Variants in MS4A2 observed in about 807,000 individuals in gnomAD.
MS4A2 encodes membrane spanning 4-domains A2.
In MS4A2, 26 loss-of-function variants were observed where a neutral mutation model predicts 27.9. The ratio of observed to expected loss-of-function variants is 0.93; its 90% CI spans 0.68 to 1.29. The LOEUF (loss-of-function observed/expected upper bound fraction) is 1.29. MS4A2 is among the 50% of genes most tolerant of loss of function. The pLI, the probability that MS4A2 is intolerant of heterozygous loss-of-function variation, is 0.00. For synonymous variants in MS4A2, 110 were observed against 98.8 expected (o/e 1.11, Z -0.67); for missense variants, 284 against 284.6 (o/e 1.00, Z 0.01).
chr11:60,095,664 G>T lies in MS4A2; in HGVS notation c.*8G>T, dbSNP rs186704310. 261 of 1,573,696 alleles carry T rather than the reference G, an allele frequency of 1.7e-4. No individual in the cohort carries two copies. The highest frequency in any genetic ancestry group is 5.2e-5 in the Non-Finnish European group (60 of 1,143,460). On this transcript the variant is annotated 3_prime_UTR_variant, in exon 7 of 7. Transcript: ENST00000278888. ...CCTCCCATTGATTTATAAGAATCAC[G>T]TGTCCAGAACACTCTGATTCACAGC...
In MS4A2 at chr11:60,095,594, T is replaced by C. The variant is rs993143703; in HGVS notation, c.673T>C (p.Tyr225His). The C allele has an allele frequency of 8.7e-6, 14 of 1,612,666 alleles. No homozygotes were observed. Among genetic ancestry groups the C allele is most frequent in the Admixed American group, 1.7e-5 (1 of 60,012 alleles). Residue 225 changes from tyrosine (Y) to histidine (H), a missense_variant, in exon 7 of 7, where the codon TAT becomes CAT. Transcript: ENST00000278888. ...TCGTGTTTATGAAGAATTAAACATA[T>C]ATTCAGCTACTTACAGTGAGTTGGA... ...EDRVYEELNI[Y>H]SATYSELEDP...
intron 5 of MS4A2, 162 bp from the exon 6 acceptor site, chr11:60,093,802 T>TTG (rs60162275): frequency 0.16 from 100,767 of 636,472 alleles, 2,159 homozygotes; most frequent in South Asian, 0.2. Flanking sequence ...GTGCCTGTGT[T>TTG]TGTGTGTGTG....
At chr11:60,093,305 A>G in intron 4 of MS4A2, 95 bp from the exon 5 acceptor site, 8 of 1,517,756 alleles carry the variant, frequency 5.3e-6, no homozygotes, top group Non-Finnish European at 7.2e-6. Context: ...GCAATGTGGA[A>G]TTTACTGGAT....
chr11:60,091,443 T>A (rs1291784966), intron 3 of MS4A2, among the ~76,000 whole-genome samples: 1 of 152,206 alleles, frequency 6.6e-6, no homozygotes, highest in African/African-American at 2.4e-5. Context: ...TAGACACACA[T>A]GAAAACATCA....
At chr11:60,093,282 C>A in intron 4 of MS4A2, 118 bp from the exon 5 acceptor site, 1 of 1,352,014 alleles carries the variant, frequency 7.4e-7, no homozygotes, top group Non-Finnish European at 1.0e-6. Flanking sequence ...CCCTTTTTAA[C>A]CAAAATTTGG....
chr11:60,091,059 G>A (rs1829222180), intron 3 of MS4A2, among the ~76,000 whole-genome samples: 1 of 152,170 alleles, frequency 6.6e-6, no homozygotes, highest in Non-Finnish European at 1.5e-5. Context: ...GCTGAGGCAG[G>A]AGGCTTGTTT....
chr11:60,092,906 T>TA (rs1855792770), intron 4 of MS4A2, 58 bp downstream of exon 4: 1 of 1,488,936 alleles, frequency 6.7e-7, no homozygotes, highest in African/African-American at 1.4e-5. Context: ...AACAGAGTTT[T>TA]AAGAGTCTTA....
In MS4A2 at chr11:60,097,775, C is replaced by A. The variant is rs924885627; in HGVS notation, c.*2119C>A. 3.1e-4 allele frequency: 47 copies of A among 152,176 alleles called. No individual in the cohort carries two copies. The highest frequency in any genetic ancestry group is 1.1e-3 in the African/African-American group (45 of 41,440). 9.4% of individuals were successfully genotyped at this position (152,176 alleles called of 1,614,324 possible). ...AGATTGTGAAAGTGATCACGACAAT[C>A]ACACAACAAATAATTAAGTGACTTG... On this transcript the variant is annotated 3_prime_UTR_variant, in exon 7 of 7. Coordinates refer to ENST00000278888, the MANE Select transcript of MS4A2 (RefSeq NM_000139.5).
chr11:60,089,739 C>A lies in MS4A2; in HGVS notation c.104C>A (p.Ser35Ter), dbSNP rs1855721921. 1 of 1,614,052 alleles carries A rather than the reference C, an allele frequency of 6.2e-7. No individual in the cohort carries two copies. The highest frequency in any genetic ancestry group is 1.7e-5 in the Admixed American group (1 of 59,998). The change falls in exon 2 of 7, where the codon TCA becomes TAA. Residue 35 changes from serine to a stop codon, truncating the protein, a stop_gained. Coordinates refer to ENST00000278888, the MANE Select transcript of MS4A2 (RefSeq NM_000139.5). LOFTEE classifies it high-confidence loss of function. ...VLEISPQEVSSGRLLKSASSP... is the reference protein window; with the variant it reads ...VLEISPQEVS Reference sequence around the variant, plus strand: ...GAAATATCTCCCCAGGAAGTATCTTCAGGCAGACTATTGAAGTCGGCCTCA... The same window carrying A: ...GAAATATCTCCCCAGGAAGTATCTTAAGGCAGACTATTGAAGTCGGCCTCA...
Position 60,093,436 on chromosome 11 carries a change from A to G in MS4A2, c.415A>G (p.Ile139Val). 6.2e-7 allele frequency: 1 copy of G among 1,614,224 alleles called. No homozygotes were observed. Among genetic ancestry groups the G allele is most frequent in the Non-Finnish European group, 8.5e-7 (1 of 1,180,042 alleles). ...CCTGGGAGCAAACACTGCCAGCAGCATAGCTGGGGGAACGGGAATTACCAT... is the reference window on the plus strand; with the variant it reads ...CCTGGGAGCAAACACTGCCAGCAGCGTAGCTGGGGGAACGGGAATTACCAT... ...GSLGANTASSIAGGTGITILI... is the reference protein window; with the variant it reads ...GSLGANTASSVAGGTGITILI... The change falls in exon 5 of 7, where the codon ATA becomes GTA. Residue 139 changes from isoleucine to valine, a missense_variant. Ile to Val is a conservative substitution (Grantham distance 29). Coordinates refer to ENST00000278888, the MANE Select transcript of MS4A2 (RefSeq NM_000139.5).
At position 60,096,651 on chromosome 11, in the gene MS4A2, A is replaced by C. The variant is rs1263533613; in HGVS notation, c.*995A>C. ...GTAATCCCAGCCCTTTGGGAGGCCG[A>C]GGTGGGCAGATCACGAAGTCAGTAG... On this transcript the variant is annotated 3_prime_UTR_variant, in exon 7 of 7. Transcript: ENST00000278888. 6.6e-6 allele frequency: 1 copy of C among 152,094 alleles called. No homozygotes were observed. Among genetic ancestry groups the C allele is most frequent in the Admixed American group, 6.6e-5 (1 of 15,262 alleles). 9.4% of individuals were successfully genotyped at this position (152,094 alleles called of 1,614,324 possible). A position where few individuals can be genotyped will look rare whatever the true frequency, so the allele number is the denominator to read the frequency against.
chr11:60,092,383 C>T (rs1300089780), intron 3 of MS4A2, among the ~76,000 whole-genome samples: 1 of 151,502 alleles, frequency 6.6e-6, no homozygotes, highest in Non-Finnish European at 1.5e-5. Flanking sequence ...GCAACCTCTG[C>T]CTCCCGGGTT....
At chr11:60,088,947 T>C in intron 1 of MS4A2, 126 bp downstream of exon 1, 1 of 1,000,180 alleles carries the variant, frequency 1.0e-6, no homozygotes, top group South Asian at 1.4e-5. Flanking sequence ...AATTAATATA[T>C]TGGGTATGAG....
rs770967061 is a variant in MS4A2, at chr11:60,093,504, C to T, written c.483C>T (p.Ile161=). 27 of 1,614,072 alleles carry T rather than the reference C, an allele frequency of 1.7e-5. No individual in the cohort carries two copies. The Admixed American group carries it at 2.3e-4, about 14-fold the overall frequency. The change falls in exon 5 of 7, where the codon ATC becomes ATT. Residue 161 remains isoleucine, a synonymous_variant. Transcript: ENST00000278888. ...NLKKSLAYIH[I]HSCQKFFETK... is the part of the protein sequence containing the mutation. Reference sequence around the variant, plus strand: ...AGAAGAGCTTGGCCTATATCCACATCCACAGTTGCCAGAAATTTTTTGAGA... The same window carrying T: ...AGAAGAGCTTGGCCTATATCCACATTCACAGTTGCCAGAAATTTTTTGAGA...
At chr11:60,089,918 G>A in intron 2 of MS4A2, 97 bp downstream of exon 2, 3 of 1,503,356 alleles carry the variant, frequency 2.0e-6, no homozygotes, top group South Asian at 1.2e-5. Flanking sequence ...ATTCATGAGA[G>A]GTGTTAGGTC....
chr11:60,088,927 C>T, intron 1 of MS4A2, 106 bp downstream of exon 1: 1 of 1,144,004 alleles, frequency 8.7e-7, no homozygotes, highest in Non-Finnish European at 1.3e-6. Context: ...GGCATGGATC[C>T]ATCTAGTTTA....
chr11:60,095,632 A>T lies in MS4A2; in HGVS notation c.711A>T (p.Glu237Asp). The T allele has an allele frequency of 6.2e-7, 1 of 1,608,854 alleles. No individual in the cohort carries two copies. Among genetic ancestry groups the T allele is most frequent in the Non-Finnish European group, 8.5e-7 (1 of 1,175,314 alleles). ...ACAGTGAGTTGGAAGACCCAGGGGAAATGTCTCCTCCCATTGATTTATAAG... is the reference window on the plus strand; with the variant it reads ...ACAGTGAGTTGGAAGACCCAGGGGATATGTCTCCTCCCATTGATTTATAAG... ...ATYSELEDPG[E>D]MSPPIDL Residue 237 changes from glutamate to aspartate, a missense_variant, in exon 7 of 7, where the codon GAA (glutamate) becomes GAT (aspartate). Transcript: ENST00000278888.
At chr11:60,091,816 T>C (rs1010190982) in intron 3 of MS4A2, among the ~76,000 whole-genome samples, 4 of 152,228 alleles carry the variant, frequency 2.6e-5, no homozygotes, top group South Asian at 2.1e-4. Flanking sequence ...TCTGTTATAA[T>C]TGAAACTTGT....
At chr11:60,095,291 A>C (rs1481750350) in intron 6 of MS4A2, among the ~76,000 whole-genome samples, 1 of 152,048 alleles carries the variant, frequency 6.6e-6, no homozygotes, top group Non-Finnish European at 1.5e-5. Context: ...TTAAAAAATC[A>C]CTCTCTTCCA....
Sources: gnomAD v4.1 joint callset for allele counts (sites outside exome capture counted in the v4.1 genomes callset) on GRCh38, gnomAD v4.1.1 for gene constraint, MANE v1.5 for transcripts, NCBI Gene and HGNC (gene_info 2026-07-23, HGNC 2026-07-21) for gene names.